GRIK4: variants seen among roughly 807,000 people sequenced by gnomAD.
The protein encoded by GRIK4 is glutamate receptor ionotropic, kainate 4.
In GRIK4, 40 loss-of-function variants were observed where a neutral mutation model predicts 104.9. That is an observed-to-expected ratio of 0.38 (90% CI 0.30 to 0.50). The LOEUF (loss-of-function observed/expected upper bound fraction) is 0.50. Among genes scored for constraint, GRIK4 ranks in the 20% least tolerant of loss-of-function variants. The probability of loss-of-function intolerance (pLI) is 0.93; values close to 1 mark genes in which losing one functional copy is unlikely to be tolerated. For missense variants in GRIK4, 1,047 were observed against 1,308.1 expected (o/e 0.80, Z 3.08); for synonymous variants, 485 against 524.9 (o/e 0.92, Z 1.04).
intron 1 of GRIK4, among the ~76,000 whole-genome samples, chr11:120,573,590 A>G (rs1350011052): frequency 6.6e-6 from 1 of 152,204 alleles, no homozygotes; most frequent in African/African-American, 2.4e-5. Flanking sequence ...ATGGAGAGAC[A>G]GAGTTGGAGC....
intron 1 of GRIK4, among the ~76,000 whole-genome samples, chr11:120,579,539 C>T (rs558714055): frequency 3.3e-4 from 51 of 152,262 alleles, no homozygotes; most frequent in African/African-American, 1.2e-3. Context: ...AATAAGATCA[C>T]TTTGGAGGAG....
At chr11:120,621,404 G>A (rs1172569387) in intron 1 of GRIK4, among the ~76,000 whole-genome samples, 1 of 152,220 alleles carries the variant, frequency 6.6e-6, no homozygotes, top group African/African-American at 2.4e-5. Flanking sequence ...GATAGTGTAA[G>A]CTTGTTTAGT....
intron 3 of GRIK4, among the ~76,000 whole-genome samples, chr11:120,696,253 T>A (rs1950447133): frequency 6.6e-6 from 1 of 151,982 alleles, no homozygotes; most frequent in Non-Finnish European, 1.5e-5. Flanking sequence ...CGTGAGCACA[T>A]ATGCACCGAA....
chr11:120,845,654 C>T (rs957327845), intron 8 of GRIK4, among the ~76,000 whole-genome samples: 1 of 145,702 alleles, frequency 6.9e-6, no homozygotes, highest in Admixed American at 6.7e-5. Context: ...CACTTCTACA[C>T]ACACACACAC....
chr11:120,897,053 G>A (rs929676493), intron 11 of GRIK4, among the ~76,000 whole-genome samples: 2 of 152,134 alleles, frequency 1.3e-5, no homozygotes, highest in Admixed American at 6.5e-5. Flanking sequence ...AGTGGCTCAC[G>A]CCTGTAATCT....
At chr11:120,803,635 G>A (rs908807353) in intron 4 of GRIK4, among the ~76,000 whole-genome samples, 4 of 151,966 alleles carry the variant, frequency 2.6e-5, no homozygotes, top group East Asian at 3.9e-4. Context: ...ATGGGGTTTC[G>A]CCATGTTGGC....
At chr11:120,528,656 A>G (rs1947889091) in intron 1 of GRIK4, among the ~76,000 whole-genome samples, 1 of 152,198 alleles carries the variant, frequency 6.6e-6, no homozygotes, top group African/African-American at 2.4e-5. Context: ...CCTCACAATC[A>G]TGGCGGAAGG....
chr11:120,968,179 G>A (rs1476678520), intron 19 of GRIK4, among the ~76,000 whole-genome samples: 3 of 152,196 alleles, frequency 2.0e-5, no homozygotes, highest in African/African-American at 7.2e-5. Flanking sequence ...GTATGGCTAA[G>A]AAGTGTTGAC....
chr11:120,617,879 T>C (rs1473766896), intron 1 of GRIK4, among the ~76,000 whole-genome samples: 1 of 152,204 alleles, frequency 6.6e-6, no homozygotes, highest in Non-Finnish European at 1.5e-5. Context: ...CAGTCTCAAA[T>C]ATTTCTTTAT....
In GRIK4 at chr11:120,513,749, G is replaced by A. The variant is rs1947688813; in HGVS notation, c.-159+1862G>A. Among the ~76,000 whole-genome samples, 2 of 152,188 alleles carry A rather than the reference G, an allele frequency of 1.3e-5. No homozygotes were observed. The highest frequency in any genetic ancestry group is 2.4e-5 in the African/African-American group (1 of 41,444). On this transcript the variant is annotated intron_variant, in intron 1 of 20. Transcript: ENST00000527524. The surrounding 1 kb of genome is among the most constrained non-coding windows in gnomAD (Gnocchi z 4.5). ...CTGGACCTGCCACCTGAAACCCAGA[G>A]GCAGCACTGGTCCCTCCGGGTGGGG...
intron 3 of GRIK4, among the ~76,000 whole-genome samples, chr11:120,800,851 G>C (rs893059509): frequency 3.9e-5 from 6 of 152,340 alleles, no homozygotes; most frequent in Admixed American, 2.0e-4. Flanking sequence ...CCACGTGTCA[G>C]TGAAATGTAT....
rs144648857 is a variant in GRIK4, at chr11:120,737,519, A to G, written c.83-65174A>G. On this transcript the variant is annotated intron_variant, in intron 3 of 20. Transcript: ENST00000527524. Reference sequence around the variant, plus strand: ...TCAACGTGTTGAACTGCACGGAAGTATGCAGGCCACAGAATCCAGACTGGG... The same window carrying G: ...TCAACGTGTTGAACTGCACGGAAGTGTGCAGGCCACAGAATCCAGACTGGG... Among the ~76,000 whole-genome samples, 236 of 152,358 alleles carry G rather than the reference A, an allele frequency of 1.5e-3. 2 individuals are homozygous for G. Among genetic ancestry groups the G allele is most frequent in the African/African-American group, 5.6e-3 (233 of 41,578 alleles).
chr11:120,817,701 G>A (rs1032051537), intron 5 of GRIK4, among the ~76,000 whole-genome samples: 1 of 152,190 alleles, frequency 6.6e-6, no homozygotes, highest in Non-Finnish European at 1.5e-5. Flanking sequence ...GTCCCAGAGA[G>A]GGAACCATAG....
intron 13 of GRIK4, among the ~76,000 whole-genome samples, chr11:120,914,433 A>G (rs978260928): frequency 2.0e-5 from 3 of 152,176 alleles, no homozygotes; most frequent in Non-Finnish European, 4.4e-5. Flanking sequence ...TCCCATGAGT[A>G]GTGAGTGGCA....
intron 1 of GRIK4, among the ~76,000 whole-genome samples, chr11:120,544,054 G>A (rs1207690811): frequency 5.9e-5 from 9 of 152,244 alleles, no homozygotes; most frequent in Non-Finnish European, 1.0e-4. Flanking sequence ...GGCGAGCTGC[G>A]CTGCATAGTG....
Position 120,555,619 on chromosome 11 carries a change from C to T in GRIK4, c.-159+43732C>T, listed in dbSNP as rs1472843308. On this transcript the variant is annotated intron_variant, in intron 1 of 20. Transcript: ENST00000527524. The surrounding 1 kb of genome is among the most constrained non-coding windows in gnomAD (Gnocchi z 5.3). ...CACTTCTGGGGAGTTTCTTATCTGGCAAATGGGACCGAGACACATCCAATG... is the reference window on the plus strand; with the variant it reads ...CACTTCTGGGGAGTTTCTTATCTGGTAAATGGGACCGAGACACATCCAATG... Among the ~76,000 whole-genome samples the T allele has an allele frequency of 6.6e-6, 1 of 152,118 alleles. No homozygotes were observed. The highest frequency in any genetic ancestry group is 2.4e-5 in the African/African-American group (1 of 41,430).
chr11:120,582,987 G>T (rs1948609134), intron 1 of GRIK4, among the ~76,000 whole-genome samples: 1 of 152,202 alleles, frequency 6.6e-6, no homozygotes, highest in Non-Finnish European at 1.5e-5. Flanking sequence ...GTGTATACGT[G>T]TTCCCTTTTC....
intron 3 of GRIK4, among the ~76,000 whole-genome samples, chr11:120,765,272 T>C (rs1235192697): frequency 6.6e-6 from 1 of 151,956 alleles, no homozygotes; most frequent in Non-Finnish European, 1.5e-5. Context: ...TGTGTATGCT[T>C]CACTAAGTTC....
intron 1 of GRIK4, among the ~76,000 whole-genome samples, chr11:120,588,193 G>A (rs1019865286): frequency 4.6e-5 from 7 of 152,138 alleles, no homozygotes; most frequent in African/African-American, 9.7e-5. Flanking sequence ...GGGGCCACCC[G>A]GAATCCAGGA....
Sources: gnomAD v4.1 joint callset for allele counts (sites outside exome capture counted in the v4.1 genomes callset) on GRCh38, gnomAD v4.1.1 for gene constraint, Gnocchi (gnomAD v3.1) non-coding constraint, MANE v1.5 for transcripts, NCBI Gene and HGNC (gene_info 2026-07-23, HGNC 2026-07-21) for gene names.